The following ABHD2 variants were observed in gnomAD, a reference collection of about 807,000 sequenced individuals.
ABHD2 encodes the protein monoacylglycerol lipase ABHD2.
Under a neutral mutation model 48.1 loss-of-function variants are expected in ABHD2, and 20 were observed. The observed-to-expected ratio is 0.42, with a 90% confidence interval of 0.29 to 0.60. The LOEUF (loss-of-function observed/expected upper bound fraction) is 0.60. ABHD2 is among the 20% of genes least tolerant of loss of function. The probability of loss-of-function intolerance (pLI) is 0.24; values close to 1 mark genes in which losing one functional copy is unlikely to be tolerated. For synonymous variants in ABHD2, 209 were observed against 214.2 expected (o/e 0.98, Z 0.21); for missense variants, 405 against 550.9 (o/e 0.74, Z 2.65).
At position 89,091,747 on chromosome 15, in the gene ABHD2, C is replaced by A. The variant is rs545870351; in HGVS notation, c.-107+3184C>A. Among the ~76,000 whole-genome samples the A allele has an allele frequency of 2.0e-5, 3 of 152,276 alleles. No individual in the cohort carries two copies. The East Asian group carries it at 5.8e-4, about 29-fold the overall frequency. On this transcript the variant is annotated intron_variant, in intron 1 of 10. Transcript: ENST00000352732. The surrounding 1 kb of genome is among the most constrained non-coding windows in gnomAD (Gnocchi z 5.5). ...GAATTTTGTGTGGCAGAATTTCTAC[C>A]ATGACCTACAGCTTACAGTATTCCC...
chr15:89,105,892 G>T (rs2049776922), intron 1 of ABHD2, among the ~76,000 whole-genome samples: 1 of 151,886 alleles, frequency 6.6e-6, no homozygotes, highest in Non-Finnish European at 1.5e-5. Context: ...AATAGAGACG[G>T]AGTTTCTCCA....
the ABHD2 span, among the ~76,000 whole-genome samples, chr15:89,049,136 A>T: frequency 6.6e-6 from 1 of 152,020 alleles, no homozygotes; most frequent in East Asian, 1.9e-4. Flanking sequence ...CTGTTGGAGT[A>T]CCCGGCCGGC....
Position 89,098,067 on chromosome 15 carries a change from A to G in ABHD2, c.-107+9504A>G, listed in dbSNP as rs112767002. 3.8e-3 allele frequency among the ~76,000 whole-genome samples: 576 copies of G among 152,146 alleles called. 2 individuals carry two copies. The highest frequency in any genetic ancestry group is 0.013 in the African/African-American group (527 of 41,494). Reference sequence around the variant, plus strand: ...GCTAATTTTTGTGTTTGTTGTAGAGATGGGGTTTCACCATGTTGCCCAGGC... The same window carrying G: ...GCTAATTTTTGTGTTTGTTGTAGAGGTGGGGTTTCACCATGTTGCCCAGGC... On this transcript the variant is annotated intron_variant, in intron 1 of 10. Transcript: ENST00000352732.
At chr15:89,160,175 C>A (rs538222989) in intron 5 of ABHD2, among the ~76,000 whole-genome samples, 8 of 152,322 alleles carry the variant, frequency 5.3e-5, no homozygotes, top group Non-Finnish European at 1.0e-4. Flanking sequence ...AGGAGCAATC[C>A]TTCACCAAAG....
In ABHD2 at chr15:89,137,453, C is replaced by T. The variant is rs1486204156; in HGVS notation, c.195-14224C>T. 6.6e-6 allele frequency among the ~76,000 whole-genome samples: 1 copy of T among 152,190 alleles called. No homozygotes were observed. Among genetic ancestry groups the T allele is most frequent in the Non-Finnish European group, 1.5e-5 (1 of 68,038 alleles). On this transcript the variant is annotated intron_variant, in intron 3 of 10. Coordinates refer to ENST00000352732, the MANE Select transcript of ABHD2 (RefSeq NM_152924.5). The surrounding 1 kb of genome is among the most constrained non-coding windows in gnomAD (Gnocchi z 4.8). ...GTAACTCATGGGGCTGTTCTCCTAA[C>T]ATTCATATTTTATAGTTTGCACGAT... is the stretch of plus-strand genomic sequence containing the variant.
chr15:89,168,785 A>G lies in ABHD2; in HGVS notation c.539-7027A>G, dbSNP rs1321146471. Among the ~76,000 whole-genome samples, 5 of 152,170 alleles carry G rather than the reference A, an allele frequency of 3.3e-5. No homozygotes were observed. Among genetic ancestry groups the G allele is most frequent in the African/African-American group, 9.7e-5 (4 of 41,444 alleles). Reference sequence around the variant, plus strand: ...GTAATGATAGATGGGTCTAAAAGGAATCAAAGCTGGGTGCAGTGGCTCACA... The same window carrying G: ...GTAATGATAGATGGGTCTAAAAGGAGTCAAAGCTGGGTGCAGTGGCTCACA... On this transcript the variant is annotated intron_variant, in intron 5 of 10. Coordinates refer to ENST00000352732, the MANE Select transcript of ABHD2 (RefSeq NM_152924.5). This position sits in a 1 kb window ranked among gnomAD's most constrained non-coding sequence, Gnocchi z 4.8.
the ABHD2 span, among the ~76,000 whole-genome samples, chr15:89,081,744 G>A: frequency 1.3e-5 from 2 of 152,152 alleles, 1 homozygote. Context: ...CCAGCTACTC[G>A]GGAGGCTGAG....
intron 3 of ABHD2, chr15:89,136,233 C>T (rs929341451): frequency 1.5e-5 from 5 of 325,446 alleles, no homozygotes; most frequent in East Asian, 8.6e-5. Context: ...CCAGCCTGAA[C>T]GTCTTTTTTG....
the ABHD2 span, among the ~76,000 whole-genome samples, chr15:89,044,522 A>G: frequency 2.0e-5 from 3 of 152,038 alleles, no homozygotes; most frequent in Non-Finnish European, 4.4e-5. Context: ...TCCCACCAAC[A>G]GTGTAAAAGT....
At chr15:89,073,214 A>G in the ABHD2 span, among the ~76,000 whole-genome samples, 30,199 of 152,094 alleles carry the variant, frequency 0.2, 3,684 homozygotes, top group East Asian at 0.36. Flanking sequence ...AACTTAATCT[A>G]TCATCAGATT....
At chr15:89,048,568 C>T in the ABHD2 span, among the ~76,000 whole-genome samples, 7 of 152,232 alleles carry the variant, frequency 4.6e-5, no homozygotes, top group African/African-American at 1.7e-4. Context: ...TTCACATAGT[C>T]GCATATTTCT....
Position 89,185,956 on chromosome 15 carries a change from G to C in ABHD2, c.815+440G>C, listed in dbSNP as rs1263958527. Reference sequence around the variant, plus strand: ...CACCCCAGCCTGGGTGACAGAGCGAGACCCTGTCTGAAAAAAAAGAAAAGA... The same window carrying C: ...CACCCCAGCCTGGGTGACAGAGCGACACCCTGTCTGAAAAAAAAGAAAAGA... On this transcript the variant is annotated intron_variant, in intron 7 of 10. Coordinates refer to ENST00000352732, the MANE Select transcript of ABHD2 (RefSeq NM_152924.5). The surrounding 1 kb of genome is among the most constrained non-coding windows in gnomAD (Gnocchi z 5.9). Among the ~76,000 whole-genome samples, 2 of 152,190 alleles carry C rather than the reference G, an allele frequency of 1.3e-5. No individual in the cohort carries two copies. Among genetic ancestry groups the C allele is most frequent in the Admixed American group, 1.3e-4 (2 of 15,276 alleles).
In ABHD2 at chr15:89,092,801, G is replaced by A. The variant is rs1901647177; in HGVS notation, c.-107+4238G>A. ...AATATTTCTTGGCAGTGTGAAAAGAGCTTCCACGTCATTTTTTATGAAGGC... is the reference window on the plus strand; with the variant it reads ...AATATTTCTTGGCAGTGTGAAAAGAACTTCCACGTCATTTTTTATGAAGGC... On this transcript the variant is annotated intron_variant, in intron 1 of 10. Coordinates refer to ENST00000352732, the MANE Select transcript of ABHD2 (RefSeq NM_152924.5). The surrounding 1 kb of genome is among the most constrained non-coding windows in gnomAD (Gnocchi z 4.4). Among the ~76,000 whole-genome samples, 2 of 152,208 alleles carry A rather than the reference G, an allele frequency of 1.3e-5. No homozygotes were observed. The highest frequency in any genetic ancestry group is 1.3e-4 in the Admixed American group (2 of 15,286).
intron 3 of ABHD2, among the ~76,000 whole-genome samples, chr15:89,131,726 A>G (rs2050222586): frequency 6.6e-6 from 1 of 152,228 alleles, no homozygotes; most frequent in South Asian, 2.1e-4. Context: ...TAATATTTCC[A>G]TAATTATAAT....
intron 3 of ABHD2, among the ~76,000 whole-genome samples, chr15:89,144,617 A>T (rs1028518159): frequency 6.6e-6 from 1 of 152,214 alleles, no homozygotes; most frequent in Non-Finnish European, 1.5e-5. Flanking sequence ...AATTCTGTTG[A>T]TAAGAAATAT....
chr15:89,135,249 A>G (rs1305924719), intron 3 of ABHD2, among the ~76,000 whole-genome samples: 1 of 150,378 alleles, frequency 6.6e-6, no homozygotes, highest in Non-Finnish European at 1.5e-5. Flanking sequence ...TACCATCCCC[A>G]TATATAACTA....
rs2051245125 is a variant in ABHD2 at position 89,188,243 on chromosome 15, C to T, written c.866C>T (p.Thr289Met). ...HVKKPQSLED[T>M]DLSRLYTATS... ...AAGAAACCCCAGAGCCTGGAAGACA[C>T]GGACTTGAGCCGGCTCTACACAGCA... The change falls in exon 8 of 11, where the codon ACG becomes ATG. Residue 289 changes from threonine to methionine, a missense_variant. By Grantham distance (81) the Thr-to-Met change is moderately conservative (BLOSUM62 -1). Transcript: ENST00000352732. This position sits in a 1 kb window ranked among gnomAD's most constrained non-coding sequence, Gnocchi z 4.1. 2 of 1,614,212 alleles carry T rather than the reference C, an allele frequency of 1.2e-6. No individual in the cohort carries two copies. Among genetic ancestry groups the T allele is most frequent in the South Asian group, 1.1e-5 (1 of 91,090 alleles).
chr15:89,121,816 A>G (rs886763139), intron 3 of ABHD2, among the ~76,000 whole-genome samples: 2 of 152,160 alleles, frequency 1.3e-5, no homozygotes, highest in Non-Finnish European at 2.9e-5. Context: ...ATCCTATAAG[A>G]AAACTTAAAT....
At chr15:89,080,733 C>T in the ABHD2 span, among the ~76,000 whole-genome samples, 16 of 149,432 alleles carry the variant, frequency 1.1e-4, no homozygotes, top group South Asian at 2.3e-3. Context: ...CTCACTCTGT[C>T]GCCCAGGCTG....
Sources: gnomAD v4.1 joint callset for allele counts (sites outside exome capture counted in the v4.1 genomes callset) on GRCh38, gnomAD v4.1.1 for gene constraint, Gnocchi (gnomAD v3.1) non-coding constraint, MANE v1.5 for transcripts, NCBI Gene and HGNC (gene_info 2026-07-23, HGNC 2026-07-21) for gene names.